The following YY1 variants were observed in gnomAD, a reference collection of about 807,000 sequenced individuals.
YY1 encodes YY1 transcription factor.
A neutral mutation model predicts 35.6 loss-of-function variants in YY1; 2 were observed. The observed-to-expected ratio is 0.06, with a 90% confidence interval of 0.02 to 0.18. The LOEUF (loss-of-function observed/expected upper bound fraction) is 0.18, where lower values mean the gene tolerates loss of function less well. Among genes scored for constraint, YY1 ranks in the 10% least tolerant of loss-of-function variants. The pLI is 1.00. For synonymous variants in YY1, 268 were observed against 238.9 expected (o/e 1.12, Z -1.12); for missense variants, 322 against 573.4 (o/e 0.56, Z 4.48).
At chr14:100,240,522 C>G (rs527565047) in intron 1 of YY1, among the ~76,000 whole-genome samples, 2 of 22,966 alleles carry the variant, frequency 8.7e-5, no homozygotes, top group Non-Finnish European at 1.6e-4. Flanking sequence ...GGGGGCTTGG[C>G]ACTCGTGGGC....
intron 2 of YY1, among the ~76,000 whole-genome samples, chr14:100,264,531 A>G (rs1891126680): frequency 6.6e-6 from 1 of 152,160 alleles, no homozygotes; most frequent in South Asian, 2.1e-4. Flanking sequence ...TTCCAGGGAA[A>G]TGACTGGAGT....
At chr14:100,239,967 T>G (rs759277115) in intron 1 of YY1, 44 bp downstream of exon 1, 2 of 1,500,898 alleles carry the variant, frequency 1.3e-6, no homozygotes, top group Admixed American at 2.2e-5. Context: ...GTTTTTGTTT[T>G]GAAGGGAAGC....
chr14:100,269,273 G>A (rs1891199160), intron 2 of YY1, among the ~76,000 whole-genome samples: 1 of 152,132 alleles, frequency 6.6e-6, no homozygotes, highest in East Asian at 1.9e-4. Context: ...TTTCCCAGGT[G>A]CTTAACATAC....
rs767812207 is a variant in YY1 at position 100,239,262 on chromosome 14, C to G, written c.18C>G (p.Thr6=). The part of the protein sequence containing the change: MASGD[T]LYIATDGSEM... ...CCTCAGCCATGGCCTCGGGCGACAC[C>G]CTCTACATCGCCACGGACGGCTCGG... is the stretch of plus-strand genomic sequence containing the variant. The change falls in exon 1 of 5, where the codon ACC becomes ACG. Residue 6 remains threonine (T), a synonymous_variant. Coordinates refer to ENST00000262238, the MANE Select transcript of YY1 (RefSeq NM_003403.5). 1 of 1,575,416 alleles carries G rather than the reference C, an allele frequency of 6.3e-7. No homozygotes were observed. The highest frequency in any genetic ancestry group is 1.8e-5 in the Admixed American group (1 of 55,216).
At chr14:100,246,470 A>T (rs547706327) in intron 1 of YY1, among the ~76,000 whole-genome samples, 14 of 152,260 alleles carry the variant, frequency 9.2e-5, no homozygotes, top group Admixed American at 5.9e-4. Flanking sequence ...CCTTGTGGGG[A>T]TGTGGGGTGG....
intron 2 of YY1, among the ~76,000 whole-genome samples, chr14:100,267,259 A>T (rs1891168474): frequency 6.6e-6 from 1 of 152,004 alleles, no homozygotes; most frequent in African/African-American, 2.4e-5. Flanking sequence ...CTCTGGGAAG[A>T]TTTTCTCCTT....
chr14:100,255,962 G>A (rs189496854), intron 1 of YY1, among the ~76,000 whole-genome samples: 16 of 152,172 alleles, frequency 1.1e-4, no homozygotes, highest in Admixed American at 7.8e-4. Context: ...ATCTTACAAT[G>A]TCTTTCTGGG....
In YY1 at chr14:100,274,767, T is replaced by C; in HGVS notation, c.903+9T>C. 1.2e-6 allele frequency: 2 copies of C among 1,612,646 alleles called. No individual in the cohort carries two copies. Among genetic ancestry groups the C allele is most frequent in the South Asian group, 2.2e-5 (2 of 91,048 alleles). The stretch of plus-strand genomic sequence containing the variant: ...TAGCTTGCCCTCATAAAGTAAGTAA[T>C]GCTAGAGGGAGAGTGTTCATTAAAC... On this transcript the variant is annotated intron_variant, in intron 3 of 4. Transcript: ENST00000262238.
chr14:100,276,813 CG>C lies in YY1; in HGVS notation c.1062+169del. 1.0e-6 allele frequency: 1 copy of C among 965,880 alleles called. No individual in the cohort carries two copies. The highest frequency in any genetic ancestry group is 1.6e-6 in the Non-Finnish European group (1 of 639,772). 59.8% of individuals were successfully genotyped at this position (965,880 alleles called of 1,614,324 possible). On this transcript the variant is annotated intron_variant, in intron 4 of 4. Transcript: ENST00000262238. The surrounding 1 kb of genome is among the most constrained non-coding windows in gnomAD (Gnocchi z 4.1). ...CTGGGGAGTCGCTTAGAAGGGTTGC[CG>C]GGGCTCTGGACATCCTTGTCTATAC...
rs60088505 is a variant in YY1, at chr14:100,249,100, A to ATTTTTTTTTTTTTTTTT, written c.679+9196_679+9212dup. On this transcript the variant is annotated intron_variant, in intron 1 of 4. Coordinates refer to ENST00000262238, the MANE Select transcript of YY1 (RefSeq NM_003403.5). ...TTTGTGATGGACTCTTTCTCGTGTA[A>ATTTTTTTTTTTTTTTTT]TTTTTTTTTTTTTTTTTTTTTTTTT... Among the ~76,000 whole-genome samples the ATTTTTTTTTTTTTTTTT allele has an allele frequency of 4.3e-5, 2 of 46,834 alleles. 1 individual carries two copies. The allele number at this position is 46,834 out of a possible 152,430, so 30.7% of individuals were successfully genotyped here. A position where few individuals can be genotyped will look rare whatever the true frequency, so the allele number is the denominator to read the frequency against.
Position 100,277,856 on chromosome 14 carries a change from A to G in YY1, c.*256A>G. The G allele has an allele frequency of 2.1e-6, 1 of 471,436 alleles. No homozygotes were observed. Among genetic ancestry groups the G allele is most frequent in the East Asian group, 3.8e-5 (1 of 26,080 alleles). The allele number at this position is 471,436 out of a possible 1,614,324, so 29.2% of individuals were successfully genotyped here. A position where few individuals can be genotyped will look rare whatever the true frequency, so the allele number is the denominator to read the frequency against. On this transcript the variant is annotated 3_prime_UTR_variant, in exon 5 of 5. Coordinates refer to ENST00000262238, the MANE Select transcript of YY1 (RefSeq NM_003403.5). This position sits in a 1 kb window ranked among gnomAD's most constrained non-coding sequence, Gnocchi z 5.6. ...AGTGTTTTTGTAAAGTGTGGTCCCA[A>G]CAGGAGGACAATTCATGAACTTCGC...
rs75084850 is a variant in YY1 at position 100,275,390 on chromosome 14, G to A, written c.903+632G>A. ...CGGAGCAGGCTACATTTAGTTTCACGGTCTCTTCCCTGTAATGACTGTGCA... is the reference window on the plus strand; with the variant it reads ...CGGAGCAGGCTACATTTAGTTTCACAGTCTCTTCCCTGTAATGACTGTGCA... On this transcript the variant is annotated intron_variant, in intron 3 of 4. Coordinates refer to ENST00000262238, the MANE Select transcript of YY1 (RefSeq NM_003403.5). Among the ~76,000 whole-genome samples, 455 of 152,234 alleles carry A rather than the reference G, an allele frequency of 3.0e-3. 4 individuals carry two copies. Among genetic ancestry groups the A allele is most frequent in the African/African-American group, 1.0e-2 (415 of 41,522 alleles).
intron 2 of YY1, among the ~76,000 whole-genome samples, chr14:100,266,547 G>T (rs1293872473): frequency 1.3e-5 from 2 of 152,042 alleles, no homozygotes; most frequent in Non-Finnish European, 2.9e-5. Flanking sequence ...AAAATCCAGG[G>T]ACACATGTTA....
At position 100,239,422 on chromosome 14, in the gene YY1, G is replaced by A. The variant is rs1467500093; in HGVS notation, c.178G>A (p.Gly60Ser). The stretch of plus-strand genomic sequence containing the variant: ...CGAGGACGGCGGCGGTGGCGACCAC[G>A]GCGGCGGGGGCGGCCACGGGCACGC... ...DDEDGGGGDH[G>S]GGGGHGHAGH... Residue 60 changes from glycine to serine, a missense_variant, in exon 1 of 5, where the codon GGC (glycine) becomes AGC (serine). Around this residue, in one of 4 missense-constraint regions of YY1, gnomAD observed 137 missense variants for 167.0 expected, o/e 0.82. Coordinates refer to ENST00000262238, the MANE Select transcript of YY1 (RefSeq NM_003403.5). 1.3e-6 allele frequency: 2 copies of A among 1,591,848 alleles called. No individual in the cohort carries two copies. Among genetic ancestry groups the A allele is most frequent in the African/African-American group, 1.4e-5 (1 of 73,908 alleles).
rs1891316149 is a variant in YY1, at chr14:100,276,262, C to T, written c.904-228C>T. ...AGTCTACTTAAAGACATCTCTAAGC[C>T]TCAGTTTCCTCATCTGTAAAACTAG... On this transcript the variant is annotated intron_variant, in intron 3 of 4. Transcript: ENST00000262238. The surrounding 1 kb of genome is among the most constrained non-coding windows in gnomAD (Gnocchi z 4.1). The T allele has an allele frequency of 1.8e-6, 1 of 569,852 alleles. No individual in the cohort carries two copies. The highest frequency in any genetic ancestry group is 2.0e-5 in the South Asian group (1 of 49,982). The allele number at this position is 569,852 out of a possible 1,614,324, so 35.3% of individuals were successfully genotyped here.
chr14:100,239,907 C>A lies in YY1; in HGVS notation c.663C>A (p.Val221=). The change falls in exon 1 of 5, where the codon GTC becomes GTA. Residue 221 remains valine, a synonymous_variant. Transcript: ENST00000262238. ...AGACCCTGGAGGGCGAGTTCTCGGT[C>A]ACCATGTGGTCCTCAGGTGAGCGCC... is the stretch of plus-strand genomic sequence containing the variant. ...QIKTLEGEFS[V]TMWSSDEKKD... 1 of 1,531,320 alleles carries A rather than the reference C, an allele frequency of 6.5e-7. No individual in the cohort carries two copies. Among genetic ancestry groups the A allele is most frequent in the Non-Finnish European group, 8.8e-7 (1 of 1,140,722 alleles). The allele number at this position is 1,531,320 out of a possible 1,614,324, so 94.9% of individuals were successfully genotyped here.
At chr14:100,259,929 C>A (rs952494244) in intron 1 of YY1, among the ~76,000 whole-genome samples, 83 of 152,282 alleles carry the variant, frequency 5.5e-4, no homozygotes, top group African/African-American at 1.9e-3. Flanking sequence ...GAGAATATAT[C>A]AGCTATATTT....
chr14:100,277,300 G>A lies in YY1; in HGVS notation c.1063-118G>A. On this transcript the variant is annotated intron_variant, in intron 4 of 4. Transcript: ENST00000262238. The surrounding 1 kb of genome is among the most constrained non-coding windows in gnomAD (Gnocchi z 5.6). ...ATATCCACAAAGTTCACCCAGGGCA[G>A]GAATGAAAAGTGTTTGGTAAAATAA... The A allele has an allele frequency of 1.6e-6, 2 of 1,281,130 alleles. No homozygotes were observed. The highest frequency in any genetic ancestry group is 2.2e-6 in the Non-Finnish European group (2 of 893,386). 79.4% of individuals were successfully genotyped at this position (1,281,130 alleles called of 1,614,324 possible).
chr14:100,270,456 C>T (rs1003970855), intron 2 of YY1, among the ~76,000 whole-genome samples: 2 of 98,094 alleles, frequency 2.0e-5, no homozygotes, highest in Non-Finnish European at 4.1e-5. Context: ...ACTAAAAATA[C>T]AAAAAAAAAA....
Sources: allele counts gnomAD v4.1 joint callset (sites outside exome capture counted in the v4.1 genomes callset), GRCh38; gene constraint gnomAD v4.1.1; regional missense constraint gnomAD v4.1.1; non-coding constraint Gnocchi (gnomAD v3.1); transcripts MANE v1.5; gene names NCBI Gene and HGNC (gene_info 2026-07-23, HGNC 2026-07-21).